NRXN3: variants seen among roughly 807,000 people sequenced by gnomAD.
The protein encoded by NRXN3 is neurexin 3, also known as neurexin III.
NRXN3 carries 32 observed loss-of-function variants against 137.6 expected under a neutral mutation model. The observed-to-expected ratio is 0.23, with a 90% CI of 0.18 to 0.31. The LOEUF (loss-of-function observed/expected upper bound fraction) is 0.31, where lower values mean the gene tolerates loss of function less well. NRXN3 is among the 10% of genes least tolerant of loss of function. NRXN3 has a pLI of 1.00. For synonymous variants in NRXN3, 798 were observed against 784.5 expected (o/e 1.02, Z -0.29); for missense variants, 1,574 against 2,062.5 (o/e 0.76, Z 4.59).
chr14:78,518,673 T>A (rs1415278869), intron 4 of NRXN3, among the ~76,000 whole-genome samples: 1 of 152,130 alleles, frequency 6.6e-6, no homozygotes, highest in African/African-American at 2.4e-5. Context: ...AAGAATTCAA[T>A]CAAAAGTCAG....
Position 79,745,244 on chromosome 14 carries a change from C to G in NRXN3, c.4014+47307C>G, listed in dbSNP as rs183068276. 9.9e-5 allele frequency among the ~76,000 whole-genome samples: 15 copies of G among 152,136 alleles called. No individual in the cohort carries two copies. The South Asian group carries it at 1.9e-3, about 19-fold the overall frequency. On this transcript the variant is annotated intron_variant, in intron 19 of 20. Coordinates refer to ENST00000335750, the MANE Select transcript of NRXN3 (RefSeq NM_001330195.2). ...TCCTCAGAAATAGGCTCTAGGGATG[C>G]TCTTAGATAGGCTATTCTGTATGCA...
intron 8 of NRXN3, among the ~76,000 whole-genome samples, chr14:78,785,024 A>G (rs1048728670): frequency 2.0e-5 from 3 of 152,180 alleles, no homozygotes; most frequent in Non-Finnish European, 4.4e-5. Context: ...AGTAGTAAGA[A>G]CTATGGTGCC....
At chr14:79,104,442 A>G (rs1206340141) in intron 15 of NRXN3, among the ~76,000 whole-genome samples, 1 of 152,176 alleles carries the variant, frequency 6.6e-6, no homozygotes, top group Non-Finnish European at 1.5e-5. Context: ...GTGGACTTCC[A>G]GCCCACTCGT....
chr14:79,198,428 T>G (rs28605424), intron 15 of NRXN3, among the ~76,000 whole-genome samples: 7,224 of 152,244 alleles, frequency 0.047, 604 homozygotes, highest in African/African-American at 0.17. Context: ...AAAAACCAGT[T>G]TGTTTATACC....
Position 79,351,135 on chromosome 14 carries a change from G to A in NRXN3, c.3263-116086G>A, listed in dbSNP as rs141148329. On this transcript the variant is annotated intron_variant, in intron 15 of 20. Transcript: ENST00000335750. ...AGCCTCCAAAGTATCAGATTTCTCCGTCAAATCCTTCTTGCCTGGTCTGTC... is the reference window on the plus strand; with the variant it reads ...AGCCTCCAAAGTATCAGATTTCTCCATCAAATCCTTCTTGCCTGGTCTGTC... Among the ~76,000 whole-genome samples the A allele has an allele frequency of 1.4e-4, 22 of 152,236 alleles. No homozygotes were observed. The East Asian group carries it at 2.9e-3, about 20-fold the overall frequency.
chr14:79,783,481 A>G (rs778174540), intron 19 of NRXN3, among the ~76,000 whole-genome samples: 2 of 152,190 alleles, frequency 1.3e-5, no homozygotes, highest in African/African-American at 4.8e-5. Flanking sequence ...ACTAAACGGT[A>G]TATTTCTAGA....
chr14:79,037,562 G>A (rs1313348647), intron 15 of NRXN3, among the ~76,000 whole-genome samples: 1 of 152,146 alleles, frequency 6.6e-6, no homozygotes, highest in African/African-American at 2.4e-5. Flanking sequence ...TAAAGAAAAA[G>A]GAGATTAGTG....
At chr14:78,849,029 AATAG>A in intron 10 of NRXN3, among the ~76,000 whole-genome samples, 1 of 151,662 alleles carries the variant, frequency 6.6e-6, no homozygotes, top group African/African-American at 2.4e-5. Context: ...AAACTTGGCA[AATAG>A]ATAAGAAAAA....
intron 15 of NRXN3, among the ~76,000 whole-genome samples, chr14:79,193,475 G>C (rs1056939912): frequency 4.6e-5 from 7 of 152,194 alleles, no homozygotes; most frequent in Non-Finnish European, 8.8e-5. Flanking sequence ...TATTGCTGTT[G>C]CATTAATCTT....
intron 15 of NRXN3, among the ~76,000 whole-genome samples, chr14:78,990,357 A>ATC (rs2099516092): frequency 1.5e-5 from 2 of 134,380 alleles, no homozygotes; most frequent in Admixed American, 7.9e-5. Flanking sequence ...TGAAGTTCAC[A>ATC]TCTATTTTTT....
intron 16 of NRXN3, among the ~76,000 whole-genome samples, chr14:79,505,317 A>G (rs2096867726): frequency 6.6e-6 from 1 of 152,094 alleles, no homozygotes; most frequent in South Asian, 2.1e-4. Flanking sequence ...TACACAGTCC[A>G]ATATGGTTCC....
intron 15 of NRXN3, among the ~76,000 whole-genome samples, chr14:79,102,690 A>G (rs1035617367): frequency 2.0e-5 from 3 of 152,196 alleles, no homozygotes; most frequent in African/African-American, 4.8e-5. Flanking sequence ...TGGTGTCATA[A>G]AAATCTTTAC....
At chr14:78,480,922 C>T (rs183791938) in intron 4 of NRXN3, among the ~76,000 whole-genome samples, 21 of 152,244 alleles carry the variant, frequency 1.4e-4, no homozygotes, top group Admixed American at 1.2e-3. Context: ...GTCTTTTCCC[C>T]TACCAGTCCA....
chr14:79,361,912 C>A (rs2093693894), intron 15 of NRXN3, among the ~76,000 whole-genome samples: 1 of 151,784 alleles, frequency 6.6e-6, no homozygotes, highest in Non-Finnish European at 1.5e-5. Context: ...TGCATTCTTG[C>A]TATAATTTAC....
intron 14 of NRXN3, 44 bp from the exon 15 acceptor site, chr14:78,987,978 C>G: frequency 6.3e-7 from 1 of 1,584,384 alleles, no homozygotes; most frequent in Non-Finnish European, 8.6e-7. Flanking sequence ...CATTTCTTCT[C>G]TCTCTCCTTT....
intron 15 of NRXN3, among the ~76,000 whole-genome samples, chr14:79,210,204 T>C (rs1211319248): frequency 1.3e-5 from 2 of 152,204 alleles, no homozygotes; most frequent in Non-Finnish European, 2.9e-5. Flanking sequence ...TCAACTTCTC[T>C]TAAGATTATA....
intron 20 of NRXN3, among the ~76,000 whole-genome samples, chr14:79,843,759 A>C (rs1303721927): frequency 6.6e-6 from 1 of 152,224 alleles, no homozygotes; most frequent in African/African-American, 2.4e-5. Context: ...GTTTTTTAAG[A>C]AAAATTAATT....
intron 15 of NRXN3, among the ~76,000 whole-genome samples, chr14:79,041,391 C>G (rs1024132130): frequency 1.3e-5 from 2 of 152,150 alleles, no homozygotes; most frequent in African/African-American, 4.8e-5. Flanking sequence ...AGGAGCAGAT[C>G]CATTATGACA....
chr14:78,415,500 G>T (rs1270073970), intron 4 of NRXN3, among the ~76,000 whole-genome samples: 1 of 152,124 alleles, frequency 6.6e-6, no homozygotes, highest in Non-Finnish European at 1.5e-5. Flanking sequence ...GTTGCATTCA[G>T]CTGTGAACTT....
Sources: gnomAD v4.1 joint callset for allele counts (sites outside exome capture counted in the v4.1 genomes callset) on GRCh38, gnomAD v4.1.1 for gene constraint, MANE v1.5 for transcripts, NCBI Gene and HGNC (gene_info 2026-07-23, HGNC 2026-07-21) for gene names.